Variants in RAB9A observed in about 807,000 individuals in gnomAD.
RAB9A encodes the protein ras-related protein Rab-9A.
RAB9A carries 1 observed loss-of-function variant against 10.3 expected under a neutral mutation model. The observed-to-expected ratio is 0.10, with a 90% CI of 0.03 to 0.46. The LOEUF is 0.46. Among genes scored for constraint, RAB9A ranks in the 20% least tolerant of loss-of-function variants. The pLI, the probability that RAB9A is intolerant of heterozygous loss-of-function variation, is 0.96. For synonymous variants in RAB9A, 39 were observed against 55.2 expected, an observed-to-expected ratio of 0.71 and a Z score of 1.30; for missense variants, 92 against 150.3, an observed-to-expected ratio of 0.61 and a Z score of 2.03.
intron 1 of RAB9A, among the ~76,000 whole-genome samples, chrX:13,693,165 G>A (rs1841604185): frequency 3.3e-5 from 2 of 60,752 alleles, no homozygotes; most frequent in South Asian, 2.1e-3. Flanking sequence ...AAGTAGTTCT[G>A]CCCAGGCAAT....
At chrX:13,698,752 A>C (rs143494609) in intron 1 of RAB9A, among the ~76,000 whole-genome samples, 1,492 of 112,014 alleles carry the variant, frequency 0.013, 21 homozygotes, top group African/African-American at 0.046. Flanking sequence ...AGTGGAACCA[A>C]TTAGGCTGTT....
chrX:13,690,301 A>G (rs1039508105), intron 1 of RAB9A, among the ~76,000 whole-genome samples: 10 of 112,330 alleles, frequency 8.9e-5, no homozygotes, highest in Non-Finnish European at 1.9e-4. Flanking sequence ...TTATGAAGTT[A>G]TCATGATTGC....
At chrX:13,708,487 TCA>T (rs755217412) in intron 2 of RAB9A, among the ~76,000 whole-genome samples, 10 of 111,284 alleles carry the variant, frequency 9.0e-5, no homozygotes, top group East Asian at 5.6e-4. Context: ...AGTGCCAGCT[TCA>T]CAGTCAACTG....
At chrX:13,695,636 C>T (rs1229816623) in intron 1 of RAB9A, among the ~76,000 whole-genome samples, 4 of 112,059 alleles carry the variant, frequency 3.6e-5, no homozygotes, top group Non-Finnish European at 7.5e-5. Flanking sequence ...AAGAGATTTT[C>T]GAAATGGAGA....
At chrX:13,696,250 AAAAAAAAAAATT>A (rs1287947224) in intron 1 of RAB9A, among the ~76,000 whole-genome samples, 1 of 107,455 alleles carries the variant, frequency 9.3e-6, no homozygotes, top group East Asian at 3.0e-4. Context: ...ATTACAAAAA[AAAAAAAAAAATT>A]AAAAAAAAAA....
intron 2 of RAB9A, 77 bp downstream of exon 2, chrX:13,703,979 C>T (rs1296452772): frequency 8.9e-6 from 1 of 111,899 alleles, no homozygotes; most frequent in Admixed American, 9.5e-5. Flanking sequence ...GTGCTCATGG[C>T]ATTTGGTGCC....
At position 13,709,077 on chromosome X, in the gene RAB9A, G is replaced by A. The variant is rs1291026068; in HGVS notation, c.331G>A (p.Val111Met). Residue 111 changes from valine to methionine, a missense_variant, in exon 3 of 3, where the codon GTG becomes ATG. Val to Met is a conservative substitution (Grantham distance 21). Coordinates refer to ENST00000464506, the MANE Select transcript of RAB9A (RefSeq NM_004251.5). ...GAAAGAATTCATATATTATGCAGAT[G>A]TGAAAGAGCCTGAGAGCTTTCCTTT... ...WKKEFIYYAD[V>M]KEPESFPFVI... The A allele has an allele frequency of 8.3e-7, 1 of 1,211,537 alleles. No individual in the cohort carries two copies. Among genetic ancestry groups the A allele is most frequent in the Non-Finnish European group, 1.1e-6 (1 of 895,452 alleles).
intron 1 of RAB9A, among the ~76,000 whole-genome samples, chrX:13,698,374 C>T (rs746741705): frequency 9.1e-6 from 1 of 109,614 alleles, no homozygotes; most frequent in South Asian, 3.9e-4. Flanking sequence ...GAAATAAGTT[C>T]TTTCAATAGG....
At chrX:13,707,184 G>A (rs2046201700) in intron 2 of RAB9A, among the ~76,000 whole-genome samples, 1 of 112,268 alleles carries the variant, frequency 8.9e-6, no homozygotes. Context: ...GCGGCTAAGT[G>A]GCTGCTATAT....
rs1352629467 is a variant in RAB9A, at chrX:13,709,791, T to A, written c.*439T>A. On this transcript the variant is annotated 3_prime_UTR_variant, in exon 3 of 3. Coordinates refer to ENST00000464506, the MANE Select transcript of RAB9A (RefSeq NM_004251.5). The stretch of plus-strand genomic sequence containing the variant: ...AAATACTTTCCTAAAGCAATAATGT[T>A]AGATATTAAAGATTAAAATCTAATG... 1.6e-5 allele frequency: 2 copies of A among 124,644 alleles called. No individual in the cohort carries two copies. The highest frequency in any genetic ancestry group is 6.5e-5 in the African/African-American group (2 of 30,992). The allele number at this position is 124,644 out of a possible 1,213,427, so 10.3% of individuals were successfully genotyped here.
intron 2 of RAB9A, among the ~76,000 whole-genome samples, chrX:13,704,775 C>T (rs920444333): frequency 9.1e-6 from 1 of 110,252 alleles, no homozygotes; most frequent in Non-Finnish European, 1.9e-5. Context: ...CTACCACGCC[C>T]GGCTAATTTT....
intron 1 of RAB9A, chrX:13,703,594 C>T (rs2046184115): frequency 8.9e-6 from 1 of 112,072 alleles, no homozygotes; most frequent in East Asian, 2.8e-4. Context: ...CCAATAGAGG[C>T]TAGTACTTTA....
intron 1 of RAB9A, among the ~76,000 whole-genome samples, chrX:13,689,746 T>C (rs1479544867): frequency 9.0e-6 from 1 of 111,639 alleles, no homozygotes; most frequent in Non-Finnish European, 1.9e-5. Context: ...AAGTTCCACC[T>C]AGCAGAACGT....
intron 1 of RAB9A, among the ~76,000 whole-genome samples, chrX:13,690,043 C>G (rs1267164974): frequency 9.2e-6 from 1 of 108,303 alleles, no homozygotes; most frequent in Non-Finnish European, 1.9e-5. Context: ...TGCTAGTTTC[C>G]AAATCGGCAC....
At chrX:13,692,233 C>T (rs1007126510) in intron 1 of RAB9A, among the ~76,000 whole-genome samples, 1 of 111,422 alleles carries the variant, frequency 9.0e-6, no homozygotes, top group Non-Finnish European at 1.9e-5. Context: ...CGACTTGAGC[C>T]CTGGAGTTCA....
intron 1 of RAB9A, among the ~76,000 whole-genome samples, chrX:13,691,977 G>C (rs1235152287): frequency 9.2e-6 from 1 of 108,932 alleles, no homozygotes; most frequent in African/African-American, 3.4e-5. Context: ...ACAGGGGCCA[G>C]GTGTTCATTA....
chrX:13,703,196 T>C (rs905179574), intron 1 of RAB9A, among the ~76,000 whole-genome samples: 8 of 112,645 alleles, frequency 7.1e-5, no homozygotes, highest in Admixed American at 1.9e-4. Flanking sequence ...AACAGATGCA[T>C]AGGCAGCTGG....
chrX:13,702,952 G>A (rs1158629233), intron 1 of RAB9A, among the ~76,000 whole-genome samples: 13 of 112,035 alleles, frequency 1.2e-4, no homozygotes, highest in Non-Finnish European at 3.8e-5. Context: ...GTAAGCTTCT[G>A]CAAAATTTGA....
chrX:13,691,248 T>TTTC (rs2046121304), intron 1 of RAB9A, among the ~76,000 whole-genome samples: 1 of 111,611 alleles, frequency 9.0e-6, no homozygotes, highest in Non-Finnish European at 1.9e-5. Context: ...AGAGCTTACA[T>TTTC]TTCAACTGCT....
Sources: allele counts gnomAD v4.1 joint callset (sites outside exome capture counted in the v4.1 genomes callset), GRCh38; gene constraint gnomAD v4.1.1; transcripts MANE v1.5; gene names NCBI Gene and HGNC (gene_info 2026-07-23, HGNC 2026-07-21).